LDAH: variants seen among roughly 807,000 people sequenced by gnomAD.
LDAH encodes the protein lipid droplet-associated hydrolase.
LDAH carries 26 observed loss-of-function variants against 29.6 expected under a neutral mutation model. That is an observed-to-expected ratio of 0.88 (90% CI 0.64 to 1.22). LDAH has a LOEUF of 1.22. Among genes scored for constraint, LDAH ranks in the 50% most tolerant of loss-of-function variants. LDAH has a pLI of 0.00. For synonymous variants in LDAH, 117 were observed against 133.0 expected (o/e 0.88, Z 0.83); for missense variants, 344 against 387.3 (o/e 0.89, Z 0.94).
chr2:20,716,719 A>AATATATATATATATATATATATAT, intron 5 of LDAH, among the ~76,000 whole-genome samples: 1 of 113,096 alleles, frequency 8.8e-6, no homozygotes, highest in African/African-American at 2.9e-5. Context: ...TAGAACTTTA[A>AATATATATATATATATATATATAT]GTATATATAC....
chr2:20,762,711 C>T (rs1668775347), intron 4 of LDAH, among the ~76,000 whole-genome samples: 1 of 152,154 alleles, frequency 6.6e-6, no homozygotes. Context: ...CTGTTCACAT[C>T]CTTTGCATCT....
chr2:20,721,707 A>G (rs1368795153), intron 5 of LDAH, among the ~76,000 whole-genome samples: 2 of 152,222 alleles, frequency 1.3e-5, no homozygotes, highest in Non-Finnish European at 2.9e-5. Flanking sequence ...TAGTATAGCC[A>G]TTATGGAAAA....
intron 5 of LDAH, among the ~76,000 whole-genome samples, chr2:20,733,234 T>A (rs1253538531): frequency 6.6e-6 from 1 of 151,884 alleles, no homozygotes; most frequent in African/African-American, 2.4e-5. Context: ...TAATTATTAA[T>A]AATTTTATTT....
At chr2:20,718,364 A>G (rs1665395177) in intron 5 of LDAH, among the ~76,000 whole-genome samples, 1 of 152,172 alleles carries the variant, frequency 6.6e-6, no homozygotes. Flanking sequence ...AGGAATAGCT[A>G]TATTTATAGC....
At chr2:20,768,913 TC>T (rs1327085701) in intron 4 of LDAH, among the ~76,000 whole-genome samples, 27 of 152,188 alleles carry the variant, frequency 1.8e-4, no homozygotes, top group African/African-American at 5.3e-4. Context: ...TTTCCTTTTC[TC>T]TGAGAGATTA....
In LDAH at chr2:20,754,616, T is replaced by A. The variant is rs1455319808; in HGVS notation, c.469-14411A>T. ...ATTAATATCACCAATGATGAGCAGC[T>A]GGATGTCATGTGCCTGCAGGTGACC... On this transcript the variant is annotated intron_variant, in intron 4 of 6. Coordinates refer to ENST00000237822, the MANE Select transcript of LDAH (RefSeq NM_021925.4). Among the ~76,000 whole-genome samples the A allele has an allele frequency of 3.3e-5, 5 of 152,032 alleles. No individual in the cohort carries two copies. The East Asian group carries it at 9.6e-4, about 29-fold the overall frequency.
At chr2:20,744,824 A>C (rs1667459596) in intron 4 of LDAH, among the ~76,000 whole-genome samples, 1 of 152,080 alleles carries the variant, frequency 6.6e-6, no homozygotes, top group East Asian at 1.9e-4. Context: ...AGTTGTTCAT[A>C]CTGAACCTCC....
chr2:20,714,894 C>A (rs572539970), intron 5 of LDAH, among the ~76,000 whole-genome samples: 11 of 152,244 alleles, frequency 7.2e-5, no homozygotes, highest in African/African-American at 2.2e-4. Context: ...TAATCAATGG[C>A]CTACCAACCA....
intron 6 of LDAH, among the ~76,000 whole-genome samples, chr2:20,688,828 C>CTTTTTTTTTTTTTTTTTTTTTTTTT (rs57543886): frequency 8.9e-6 from 1 of 112,020 alleles, no homozygotes; most frequent in Non-Finnish European, 1.8e-5. Context: ...TGGAGGTTTC[C>CTTTTTTTTTTTTTTTTTTTTTTTTT]TTTTTTTTTT....
chr2:20,696,010 C>T (rs1027948896), intron 6 of LDAH, among the ~76,000 whole-genome samples: 9 of 152,168 alleles, frequency 5.9e-5, no homozygotes, highest in Non-Finnish European at 8.8e-5. Flanking sequence ...TGTGCTCACA[C>T]AATTGCCCAA....
chr2:20,809,808 T>C (rs1185758485), intron 1 of LDAH, among the ~76,000 whole-genome samples: 1 of 152,176 alleles, frequency 6.6e-6, no homozygotes, highest in Admixed American at 6.5e-5. Context: ...GGGAGGAGAC[T>C]GATTTGCTGG....
intron 3 of LDAH, among the ~76,000 whole-genome samples, chr2:20,787,658 A>G (rs149163290): frequency 2.6e-5 from 4 of 152,188 alleles, no homozygotes; most frequent in Non-Finnish European, 5.9e-5. Context: ...CAGAGCTGAA[A>G]CTGGAAGTCC....
chr2:20,707,987 A>T (rs989199934), intron 5 of LDAH, among the ~76,000 whole-genome samples: 1 of 152,182 alleles, frequency 6.6e-6, no homozygotes, highest in African/African-American at 2.4e-5. Flanking sequence ...TCCTTATGAT[A>T]ATCTAATGCC....
chr2:20,803,690 A>T (rs924993443), intron 1 of LDAH, among the ~76,000 whole-genome samples: 25 of 152,132 alleles, frequency 1.6e-4, no homozygotes, highest in Non-Finnish European at 2.2e-4. Context: ...GTTGGCTCAG[A>T]CAACGCAGCA....
At chr2:20,754,138 A>G (rs1048024871) in intron 4 of LDAH, among the ~76,000 whole-genome samples, 2 of 152,008 alleles carry the variant, frequency 1.3e-5, no homozygotes. Context: ...AGAGGAGGAT[A>G]TTGACATGAA....
chr2:20,788,089 T>G (rs140804031), intron 3 of LDAH, among the ~76,000 whole-genome samples: 2 of 152,352 alleles, frequency 1.3e-5, no homozygotes, highest in African/African-American at 4.8e-5. Flanking sequence ...ATTTTCTTAT[T>G]CAGTTTTCCA....
intron 5 of LDAH, among the ~76,000 whole-genome samples, chr2:20,733,468 C>T (rs969245832): frequency 1.3e-5 from 2 of 148,284 alleles, no homozygotes; most frequent in Admixed American, 1.4e-4. Context: ...GTCACGATCT[C>T]GGCTCACTGC....
intron 3 of LDAH, among the ~76,000 whole-genome samples, chr2:20,784,049 C>T (rs969271940): frequency 1.3e-5 from 2 of 152,170 alleles, no homozygotes; most frequent in African/African-American, 4.8e-5. Context: ...ATAGTTGGAT[C>T]TCCCCCTACC....
chr2:20,728,654 G>T (rs1666186056), intron 5 of LDAH, among the ~76,000 whole-genome samples: 2 of 152,134 alleles, frequency 1.3e-5, no homozygotes, highest in Admixed American at 1.3e-4. Context: ...GAGGAGGCAG[G>T]GGTGGCACTG....
Sources: allele counts gnomAD v4.1 joint callset (sites outside exome capture counted in the v4.1 genomes callset), GRCh38; gene constraint gnomAD v4.1.1; transcripts MANE v1.5; gene names NCBI Gene and HGNC (gene_info 2026-07-23, HGNC 2026-07-21).